The following HPGDS variants were observed in gnomAD, a reference collection of about 807,000 sequenced individuals.
HPGDS encodes the protein GST class-sigma.
In HPGDS, 26 loss-of-function variants were observed where a neutral mutation model predicts 23.1. The observed-to-expected ratio is 1.13, with a 90% confidence interval of 0.83 to 1.56. HPGDS has a LOEUF of 1.56. HPGDS is among the 40% of genes most tolerant of loss of function. The pLI is 0.00. For synonymous variants in HPGDS, 95 were observed against 77.9 expected (o/e 1.22, Z -1.16); for missense variants, 268 against 236.4 (o/e 1.13, Z -0.88).
At chr4:94,306,590 G>T (rs750658450) in intron 4 of HPGDS, among the ~76,000 whole-genome samples, 4 of 152,096 alleles carry the variant, frequency 2.6e-5, no homozygotes, top group Non-Finnish European at 5.9e-5. Context: ...GGGATAAAAT[G>T]AGGATTGGTG....
At chr4:94,341,276 A>G (rs1344538767) in intron 1 of HPGDS, among the ~76,000 whole-genome samples, 1 of 152,230 alleles carries the variant, frequency 6.6e-6, no homozygotes, top group Non-Finnish European at 1.5e-5. Context: ...TGAAAAAATT[A>G]CAAACTTTTA....
intron 2 of HPGDS, among the ~76,000 whole-genome samples, chr4:94,325,591 G>C (rs567788847): frequency 2.4e-4 from 37 of 152,328 alleles, no homozygotes; most frequent in African/African-American, 8.2e-4. Context: ...CACTGAGCCA[G>C]GCGTGGGATA....
chr4:94,302,250 A>G lies in HPGDS; in HGVS notation c.337-6T>C. 2.5e-6 allele frequency: 4 copies of G among 1,589,490 alleles called. No homozygotes were observed. Among genetic ancestry groups the G allele is most frequent in the Non-Finnish European group, 3.4e-6 (4 of 1,161,028 alleles). The stretch of plus-strand genomic sequence containing the variant: ...AGCTCATTGAACATCTGCTCCTAGG[A>G]GAAGGAGAAAATATCACTTTAAGAA... On this transcript the variant is annotated splice_region_variant and splice_polypyrimidine_tract_variant and intron_variant, in intron 4 of 5. Coordinates refer to ENST00000295256, the MANE Select transcript of HPGDS (RefSeq NM_014485.3).
At chr4:94,315,074 C>A (rs1330842420) in intron 3 of HPGDS, among the ~76,000 whole-genome samples, 1 of 152,178 alleles carries the variant, frequency 6.6e-6, no homozygotes, top group Non-Finnish European at 1.5e-5. Context: ...ATCACCTAAC[C>A]CCTTGCACTT....
At chr4:94,311,342 A>C (rs532109532) in intron 3 of HPGDS, among the ~76,000 whole-genome samples, 1 of 151,460 alleles carries the variant, frequency 6.6e-6, no homozygotes, top group African/African-American at 2.4e-5. Context: ...AGTTTTTAGC[A>C]TGAAGGGCTG....
chr4:94,303,181 A>T (rs1051825404), intron 4 of HPGDS, among the ~76,000 whole-genome samples: 2 of 152,156 alleles, frequency 1.3e-5, no homozygotes, highest in Non-Finnish European at 2.9e-5. Context: ...GATGGTATAT[A>T]CTACCACAAC....
chr4:94,319,984 T>A (rs1756471059), intron 2 of HPGDS, among the ~76,000 whole-genome samples: 1 of 152,164 alleles, frequency 6.6e-6, no homozygotes, highest in Admixed American at 6.6e-5. Flanking sequence ...ATTGTTCAGT[T>A]CCCACCTATG....
At chr4:94,320,514 G>C (rs1291857604) in intron 2 of HPGDS, among the ~76,000 whole-genome samples, 1 of 152,216 alleles carries the variant, frequency 6.6e-6, no homozygotes, top group Non-Finnish European at 1.5e-5. Context: ...GATGACCAGT[G>C]ATGACGAGCA....
At chr4:94,313,854 T>C (rs1756334845) in intron 3 of HPGDS, among the ~76,000 whole-genome samples, 2 of 152,214 alleles carry the variant, frequency 1.3e-5, no homozygotes, top group African/African-American at 4.8e-5. Flanking sequence ...TTCTTTTTTC[T>C]CTAAACTTCT....
Position 94,299,332 on chromosome 4 carries a change from C to T in HPGDS, c.*148G>A. 36 of 623,654 alleles carry T rather than the reference C, an allele frequency of 5.8e-5. No individual in the cohort carries two copies. Among genetic ancestry groups the T allele is most frequent in the South Asian group, 1.7e-4 (4 of 23,032 alleles). 38.6% of individuals were successfully genotyped at this position (623,654 alleles called of 1,614,324 possible). A position where few individuals can be genotyped will look rare whatever the true frequency, so the allele number is the denominator to read the frequency against. On this transcript the variant is annotated 3_prime_UTR_variant, in exon 6 of 6. Transcript: ENST00000295256. Reference sequence around the variant, plus strand: ...TGAAGAAAGATTTGTTTTTATTTTCCTTTTTAAAAATCAGAATATGGCTAA... The same window carrying T: ...TGAAGAAAGATTTGTTTTTATTTTCTTTTTTAAAAATCAGAATATGGCTAA...
chr4:94,317,235 C>G (rs930772305), intron 3 of HPGDS, among the ~76,000 whole-genome samples: 2 of 151,880 alleles, frequency 1.3e-5, no homozygotes, highest in African/African-American at 2.4e-5. Context: ...GCTTTTGGCT[C>G]AAAAAGGGTG....
chr4:94,318,636 T>C (rs1756443124), intron 2 of HPGDS, among the ~76,000 whole-genome samples: 2 of 152,162 alleles, frequency 1.3e-5, no homozygotes, highest in South Asian at 2.1e-4. Context: ...AAAAAATTTA[T>C]TGAGATGTGT....
intron 2 of HPGDS, among the ~76,000 whole-genome samples, chr4:94,330,913 TC>T (rs1756723207): frequency 6.6e-6 from 1 of 152,096 alleles, no homozygotes; most frequent in Non-Finnish European, 1.5e-5. Context: ...AATTGGGAAG[TC>T]CCCAGAATCA....
At chr4:94,330,499 G>A (rs1287375072) in intron 2 of HPGDS, among the ~76,000 whole-genome samples, 1 of 152,114 alleles carries the variant, frequency 6.6e-6, no homozygotes, top group Non-Finnish European at 1.5e-5. Context: ...AAAAGAAGGA[G>A]TAATCTGGTT....
chr4:94,321,272 TA>T (rs1756503840), intron 2 of HPGDS, among the ~76,000 whole-genome samples: 1 of 152,214 alleles, frequency 6.6e-6, no homozygotes, highest in African/African-American at 2.4e-5. Context: ...ATATGAACTT[TA>T]AAGTAGTTTT....
chr4:94,310,942 G>C (rs1756255014), intron 3 of HPGDS, among the ~76,000 whole-genome samples: 1 of 152,070 alleles, frequency 6.6e-6, no homozygotes, highest in Admixed American at 6.5e-5. Context: ...CTGTTTGTCT[G>C]TTATTGGTGT....
At chr4:94,323,098 T>C (rs1292306823) in intron 2 of HPGDS, among the ~76,000 whole-genome samples, 1 of 152,256 alleles carries the variant, frequency 6.6e-6, no homozygotes, top group African/African-American at 2.4e-5. Flanking sequence ...AATCCTGAGT[T>C]CTAGTTTGAT....
At chr4:94,300,980 C>T (rs1483730693) in intron 5 of HPGDS, among the ~76,000 whole-genome samples, 2 of 151,928 alleles carry the variant, frequency 1.3e-5, no homozygotes, top group Non-Finnish European at 2.9e-5. Context: ...GAGATCAGAA[C>T]ATCATTTACA....
intron 2 of HPGDS, among the ~76,000 whole-genome samples, chr4:94,322,216 T>G (rs1756526397): frequency 1.1e-5 from 1 of 94,232 alleles, no homozygotes; most frequent in Non-Finnish European, 2.3e-5. Flanking sequence ...GATATTGGTC[T>G]AAAATTCTCT....
Sources: allele counts gnomAD v4.1 joint callset (sites outside exome capture counted in the v4.1 genomes callset), GRCh38; gene constraint gnomAD v4.1.1; transcripts MANE v1.5; gene names NCBI Gene and HGNC (gene_info 2026-07-23, HGNC 2026-07-21).